Variants in KCNIP4 observed in about 807,000 individuals in gnomAD.
The protein encoded by KCNIP4 is potassium voltage-gated channel interacting protein 4.
A neutral mutation model predicts 34.0 loss-of-function variants in KCNIP4; 12 were observed. The observed-to-expected ratio is 0.35, with a 90% CI of 0.23 to 0.57. The LOEUF is 0.57. KCNIP4 is among the 20% of genes least tolerant of loss of function. The pLI, the probability that KCNIP4 is intolerant of heterozygous loss-of-function variation, is 0.83. For missense variants in KCNIP4, 238 were observed against 311.7 expected (o/e 0.76, Z 1.78); for synonymous variants, 124 against 102.2 (o/e 1.21, Z -1.29).
At chr4:20,997,975 T>G (rs1416103309) in intron 1 of KCNIP4, among the ~76,000 whole-genome samples, 1 of 152,148 alleles carries the variant, frequency 6.6e-6, no homozygotes, top group Non-Finnish European at 1.5e-5. Context: ...CATCAGGTAA[T>G]CCAGGTAGAG....
At chr4:21,013,367 C>G (rs1739230352) in intron 1 of KCNIP4, among the ~76,000 whole-genome samples, 1 of 152,084 alleles carries the variant, frequency 6.6e-6, no homozygotes, top group Admixed American at 6.5e-5. Flanking sequence ...GCTGACCACA[C>G]AGTGAACACA....
At chr4:21,086,514 C>A (rs17574283) in intron 1 of KCNIP4, among the ~76,000 whole-genome samples, 2 of 152,122 alleles carry the variant, frequency 1.3e-5, no homozygotes, top group Non-Finnish European at 2.9e-5. Flanking sequence ...TACATAATCA[C>A]CACTCACTGG....
Position 21,360,166 on chromosome 4 carries a change from T to C in KCNIP4, c.62-477457A>G, listed in dbSNP as rs146985610. Among the ~76,000 whole-genome samples the C allele has an allele frequency of 2.5e-3, 385 of 152,230 alleles. 1 individual carries two copies. Among genetic ancestry groups the C allele is most frequent in the African/African-American group, 9.0e-3 (372 of 41,554 alleles). On this transcript the variant is annotated intron_variant, in intron 1 of 8. Transcript: ENST00000382152. The stretch of plus-strand genomic sequence containing the variant: ...CTCTTACTGATTGATAGACATGACC[T>C]TGTACTTATTTGATTCTGGTAGAAA...
chr4:20,777,157 C>A (rs781559526), intron 3 of KCNIP4, among the ~76,000 whole-genome samples: 1 of 152,096 alleles, frequency 6.6e-6, no homozygotes, highest in Admixed American at 6.6e-5. Flanking sequence ...GGGCTATAGA[C>A]GCCTCAGAAA....
intron 1 of KCNIP4, among the ~76,000 whole-genome samples, chr4:21,285,536 AAAAC>A (rs1426346259): frequency 2.6e-5 from 4 of 152,144 alleles, no homozygotes; most frequent in African/African-American, 9.7e-5. Flanking sequence ...TACAATCTAT[AAAAC>A]AAACAAGGCC....
intron 1 of KCNIP4, among the ~76,000 whole-genome samples, chr4:21,422,347 C>T (rs1293160691): frequency 2.0e-5 from 3 of 151,944 alleles, no homozygotes; most frequent in Non-Finnish European, 2.9e-5. Context: ...ATTACAGGTG[C>T]CTGCAACTAT....
intron 1 of KCNIP4, among the ~76,000 whole-genome samples, chr4:21,665,488 T>C (rs183153874): frequency 9.4e-5 from 14 of 149,140 alleles, no homozygotes; most frequent in Admixed American, 3.4e-4. Flanking sequence ...GAATGGTTAC[T>C]ACTGTCTTTT....
chr4:21,622,633 CAT>C (rs1368366751), intron 1 of KCNIP4, among the ~76,000 whole-genome samples: 3 of 152,068 alleles, frequency 2.0e-5, no homozygotes, highest in East Asian at 1.9e-4. Context: ...TAAAGAAAGA[CAT>C]ATTTTAATAG....
At chr4:21,269,375 A>G (rs1455773989) in intron 1 of KCNIP4, among the ~76,000 whole-genome samples, 1 of 151,750 alleles carries the variant, frequency 6.6e-6, no homozygotes, top group Non-Finnish European at 1.5e-5. Context: ...TTTTTCACTG[A>G]CTCCTTAATT....
intron 1 of KCNIP4, among the ~76,000 whole-genome samples, chr4:21,198,504 A>T (rs1756224375): frequency 6.6e-6 from 1 of 152,180 alleles, no homozygotes; most frequent in Non-Finnish European, 1.5e-5. Context: ...TCTCCCATTT[A>T]TTCCTCACAG....
At chr4:21,805,206 A>G (rs1450376443) in intron 1 of KCNIP4, among the ~76,000 whole-genome samples, 1 of 152,212 alleles carries the variant, frequency 6.6e-6, no homozygotes, top group Non-Finnish European at 1.5e-5. Flanking sequence ...TTATACCTCA[A>G]TAAAGCTATT....
chr4:20,802,198 A>ATATATATGC (rs1714372206), intron 3 of KCNIP4, among the ~76,000 whole-genome samples: 3 of 47,124 alleles, frequency 6.4e-5, no homozygotes, highest in African/African-American at 2.1e-4. Context: ...TATATATGCT[A>ATATATATGC]TATATATATG....
chr4:21,807,248 C>T (rs1721352740), intron 1 of KCNIP4, among the ~76,000 whole-genome samples: 1 of 152,178 alleles, frequency 6.6e-6, no homozygotes, highest in South Asian at 2.1e-4. Context: ...TGCTCACTGA[C>T]ACTCATCTCC....
intron 1 of KCNIP4, among the ~76,000 whole-genome samples, chr4:21,424,666 A>G (rs1212187887): frequency 6.6e-6 from 1 of 152,202 alleles, no homozygotes; most frequent in African/African-American, 2.4e-5. Flanking sequence ...ATCTCACAAT[A>G]TTCTTACAAA....
chr4:21,843,823 T>A (rs562997459), intron 1 of KCNIP4: 1 of 152,190 alleles, frequency 6.6e-6, no homozygotes, highest in African/African-American at 2.4e-5. Context: ...ACAGACAGGA[T>A]AGTCTCAAAC....
In KCNIP4 at chr4:21,389,729, C is replaced by A. The variant is rs1394489293; in HGVS notation, c.62-507020G>T. On this transcript the variant is annotated intron_variant, in intron 1 of 8. Coordinates refer to ENST00000382152, the MANE Select transcript of KCNIP4 (RefSeq NM_025221.6). Reference sequence around the variant, plus strand: ...ATGGACATTTGCGTTGGTTCCAAGTCTTTTCTATTGCGAATAGTGCCACAA... The same window carrying A: ...ATGGACATTTGCGTTGGTTCCAAGTATTTTCTATTGCGAATAGTGCCACAA... Among the ~76,000 whole-genome samples the A allele has an allele frequency of 2.6e-5, 4 of 151,976 alleles. No individual in the cohort carries two copies. The East Asian group carries it at 5.8e-4, about 22-fold the overall frequency.
chr4:20,865,522 T>G (rs952616138), intron 2 of KCNIP4, among the ~76,000 whole-genome samples: 5 of 151,986 alleles, frequency 3.3e-5, no homozygotes, highest in African/African-American at 1.2e-4. Context: ...TGGAATACTA[T>G]TCAACATTAA....
intron 1 of KCNIP4, among the ~76,000 whole-genome samples, chr4:21,150,418 T>C (rs1003206364): frequency 4.8e-5 from 7 of 144,872 alleles, no homozygotes; most frequent in African/African-American, 1.4e-4. Context: ...TTGATTCTGA[T>C]GTTCTGGGAT....
chr4:21,888,299 C>T (rs1482161502), intron 1 of KCNIP4, among the ~76,000 whole-genome samples: 1 of 152,068 alleles, frequency 6.6e-6, no homozygotes, highest in African/African-American at 2.4e-5. Context: ...GTGCAGGCCA[C>T]AAGAATTACT....
Sources: allele counts gnomAD v4.1 joint callset (sites outside exome capture counted in the v4.1 genomes callset), GRCh38; gene constraint gnomAD v4.1.1; transcripts MANE v1.5; gene names NCBI Gene and HGNC (gene_info 2026-07-23, HGNC 2026-07-21).